The following TM9SF2 variants were observed in gnomAD, a reference collection of about 807,000 sequenced individuals.
TM9SF2 encodes the protein 76 kDa membrane protein.
A neutral mutation model predicts 84.9 loss-of-function variants in TM9SF2; 13 were observed. The ratio of observed to expected loss-of-function variants is 0.15; its 90% confidence interval spans 0.10 to 0.24. The LOEUF is 0.24. TM9SF2 is among the 10% of genes least tolerant of loss of function. The pLI is 1.00. For missense variants in TM9SF2, 562 were observed against 818.5 expected, an observed-to-expected ratio of 0.69 and a Z score of 3.82; for synonymous variants, 273 against 285.8, an observed-to-expected ratio of 0.96 and a Z score of 0.45.
Position 99,529,583 on chromosome 13 carries a change from T to C in TM9SF2, c.450T>C (p.Tyr150=), listed in dbSNP as rs760693733. 1.3e-6 allele frequency: 2 copies of C among 1,576,618 alleles called. No homozygotes were observed. The highest frequency in any genetic ancestry group is 2.3e-5 in the East Asian group (1 of 42,862). The part of the protein sequence containing the change: ...EFLKKSMLLN[Y]QHHWIVDNMP... ...TGAAAAAAAGCATGTTATTGAATTA[T>C]CAACATCACTGGTAAGGCATGAATA... is the stretch of plus-strand genomic sequence containing the variant. The change falls in exon 4 of 17, where the codon TAT becomes TAC. Residue 150 remains tyrosine (Y), a synonymous_variant. Coordinates refer to ENST00000376387, the MANE Select transcript of TM9SF2 (RefSeq NM_004800.3).
At chr13:99,559,784 C>A (rs2046336997) in intron 16 of TM9SF2, among the ~76,000 whole-genome samples, 1 of 150,754 alleles carries the variant, frequency 6.6e-6, no homozygotes, top group South Asian at 2.1e-4. Context: ...TGGGCCAGTA[C>A]AGCTCATGGT....
In TM9SF2 at chr13:99,539,492, A is replaced by C; in HGVS notation, c.763A>C (p.Met255Leu). 6.2e-7 allele frequency: 1 copy of C among 1,613,966 alleles called. No homozygotes were observed. The highest frequency in any genetic ancestry group is 8.5e-7 in the Non-Finnish European group (1 of 1,179,868). Reference sequence around the variant, plus strand: ...TAAACCAGACTGCTCAGGGCCCCCCATGGACATAAGTAACAAGGCTTCTGG... The same window carrying C: ...TAAACCAGACTGCTCAGGGCCCCCCCTGGACATAAGTAACAAGGCTTCTGG... ...IDKPDCSGPP[M>L]DISNKASGEI... Residue 255 changes from methionine (M) to leucine (L), a missense_variant, in exon 7 of 17, where the codon ATG becomes CTG. Met to Leu is a conservative substitution (Grantham distance 15, BLOSUM62 2). Coordinates refer to ENST00000376387, the MANE Select transcript of TM9SF2 (RefSeq NM_004800.3).
At chr13:99,545,925 G>T (rs1022192926) in intron 10 of TM9SF2, among the ~76,000 whole-genome samples, 3 of 152,154 alleles carry the variant, frequency 2.0e-5, no homozygotes, top group Admixed American at 6.5e-5. Flanking sequence ...TTTTATTGCG[G>T]TCAGCTAGAA....
At chr13:99,527,272 C>T (rs1380614211) in intron 3 of TM9SF2, among the ~76,000 whole-genome samples, 1 of 152,116 alleles carries the variant, frequency 6.6e-6, no homozygotes, top group Non-Finnish European at 1.5e-5. Flanking sequence ...TCTGACGCTG[C>T]TGTGAAGAAA....
In TM9SF2 at chr13:99,529,472, G is replaced by A. The variant is rs373385111; in HGVS notation, c.339G>A (p.Thr113=). The A allele has an allele frequency of 1.1e-4, 173 of 1,545,680 alleles. 1 individual carries two copies. The highest frequency in any genetic ancestry group is 8.5e-4 in the Middle Eastern group (5 of 5,850). The part of the protein sequence containing the change: ...ERIEPSPYKF[T]FNKKETCKLV... ...TCCACTTCCTTTTAATACAGTTTAC[G>A]TTTAATAAGAAGGAGACCTGTAAGC... Residue 113 remains threonine (T), a synonymous_variant, in exon 4 of 17, where the codon ACG becomes ACA. Coordinates refer to ENST00000376387, the MANE Select transcript of TM9SF2 (RefSeq NM_004800.3).
chr13:99,541,513 C>A, intron 8 of TM9SF2, 46 bp from the exon 9 acceptor site: 1 of 1,391,690 alleles, frequency 7.2e-7, no homozygotes, highest in Non-Finnish European at 1.0e-6. Flanking sequence ...TTTTACTGTT[C>A]CTAGGATTAA....
intron 1 of TM9SF2, among the ~76,000 whole-genome samples, chr13:99,516,755 T>C (rs2046136460): frequency 1.3e-5 from 2 of 152,214 alleles, no homozygotes; most frequent in Non-Finnish European, 1.5e-5. Flanking sequence ...TGTTCTTAAA[T>C]TGATGGAAGA....
rs768987158 is a variant in TM9SF2 at position 99,562,792 on chromosome 13, A to C, written c.*34A>C. The C allele has an allele frequency of 1.9e-6, 3 of 1,596,864 alleles. No homozygotes were observed. The highest frequency in any genetic ancestry group is 2.6e-6 in the Non-Finnish European group (3 of 1,170,760). On this transcript the variant is annotated 3_prime_UTR_variant, in exon 17 of 17. Coordinates refer to ENST00000376387, the MANE Select transcript of TM9SF2 (RefSeq NM_004800.3). ...AGTGTGTCCAGTTAAAACAGAAATA[A>C]ATTAAACTCTTCATCAACAAAGACC...
intron 15 of TM9SF2, among the ~76,000 whole-genome samples, chr13:99,558,159 C>G (rs1566574739): frequency 6.6e-6 from 1 of 152,214 alleles, no homozygotes. Context: ...TCTGGACTCT[C>G]AATACTATTC....
At chr13:99,508,689 C>G (rs1349030272) in intron 1 of TM9SF2, among the ~76,000 whole-genome samples, 1 of 152,124 alleles carries the variant, frequency 6.6e-6, no homozygotes, top group Non-Finnish European at 1.5e-5. Flanking sequence ...GAAGCAGGAG[C>G]AGGCATGTCA....
Position 99,562,971 on chromosome 13 carries a change from A to G in TM9SF2, c.*213A>G. The stretch of plus-strand genomic sequence containing the variant: ...CATTTGTATTGTGATTTGATTAAGT[A>G]TATATTTGGTTGTTCTCAATGAAGA... On this transcript the variant is annotated 3_prime_UTR_variant, in exon 17 of 17. Transcript: ENST00000376387. 2 of 450,074 alleles carry G rather than the reference A, an allele frequency of 4.4e-6. No homozygotes were observed. The highest frequency in any genetic ancestry group is 5.8e-4 in the Middle Eastern group (1 of 1,720). 27.9% of individuals were successfully genotyped at this position (450,074 alleles called of 1,614,324 possible).
At chr13:99,537,578 A>G (rs778480472) in intron 5 of TM9SF2, among the ~76,000 whole-genome samples, 161 bp from the exon 6 acceptor site, 17 of 152,216 alleles carry the variant, frequency 1.1e-4, no homozygotes, top group Non-Finnish European at 2.5e-4. Context: ...TTTTTGGCTT[A>G]AAAAGAGTTT....
chr13:99,536,921 G>A (rs955424306), intron 5 of TM9SF2, among the ~76,000 whole-genome samples, 184 bp downstream of exon 5: 3 of 152,100 alleles, frequency 2.0e-5, no homozygotes, highest in African/African-American at 7.2e-5. Context: ...TTTAGAATTG[G>A]AATAATTCAG....
intron 16 of TM9SF2, among the ~76,000 whole-genome samples, chr13:99,561,416 ATTGT>A (rs1443734227): frequency 1.3e-5 from 2 of 152,238 alleles, no homozygotes; most frequent in African/African-American, 2.4e-5. Context: ...ATCTTAAAAT[ATTGT>A]TTGTCATCTT....
At chr13:99,525,455 T>C (rs555031028) in intron 3 of TM9SF2, among the ~76,000 whole-genome samples, 1 of 151,806 alleles carries the variant, frequency 6.6e-6, no homozygotes, top group South Asian at 2.1e-4. Flanking sequence ...TTGGCCAGGC[T>C]GGTCTCAAAC....
At chr13:99,541,952 C>T (rs997615792) in intron 9 of TM9SF2, among the ~76,000 whole-genome samples, 4 of 152,058 alleles carry the variant, frequency 2.6e-5, no homozygotes, top group Non-Finnish European at 4.4e-5. Context: ...GAGTTCAAGA[C>T]CAGCCTGACC....
intron 10 of TM9SF2, among the ~76,000 whole-genome samples, chr13:99,546,030 G>T (rs1342685542): frequency 6.6e-6 from 1 of 152,212 alleles, no homozygotes; most frequent in Non-Finnish European, 1.5e-5. Context: ...ACTTTCTGCC[G>T]AAGGGCAGTC....
intron 1 of TM9SF2, among the ~76,000 whole-genome samples, chr13:99,503,723 A>G (rs2046076805): frequency 6.6e-6 from 1 of 151,076 alleles, no homozygotes; most frequent in African/African-American, 2.4e-5. Context: ...AAAAAAAAAA[A>G]AAAAAAAAAG....
chr13:99,526,452 G>A (rs2046183972), intron 3 of TM9SF2, among the ~76,000 whole-genome samples: 1 of 152,256 alleles, frequency 6.6e-6, no homozygotes, highest in African/African-American at 2.4e-5. Flanking sequence ...CAGGGGGCAT[G>A]TGAGGCCACA....
Sources: gnomAD v4.1 joint callset for allele counts (sites outside exome capture counted in the v4.1 genomes callset) on GRCh38, gnomAD v4.1.1 for gene constraint, MANE v1.5 for transcripts, NCBI Gene and HGNC (gene_info 2026-07-23, HGNC 2026-07-21) for gene names.